NXNL2: variants seen among roughly 807,000 people sequenced by gnomAD.
NXNL2 encodes the protein nucleoredoxin-like protein 2.
A neutral mutation model predicts 11.1 loss-of-function variants in NXNL2; 7 were observed. The ratio of observed to expected loss-of-function variants is 0.63; its 90% CI spans 0.36 to 1.18. The LOEUF is 1.18. Ranked by LOEUF, NXNL2 falls within the 50% of genes most tolerant of loss-of-function variation. NXNL2 has a pLI of 0.02. For missense variants in NXNL2, 233 were observed against 217.7 expected (o/e 1.07, Z -0.44); for synonymous variants, 109 against 101.8 (o/e 1.07, Z -0.42).
chr9:88,535,840 C>T, intron 1 of NXNL2, 104 bp downstream of exon 1: 1 of 856,640 alleles, frequency 1.2e-6, no homozygotes, highest in Admixed American at 3.0e-5. Flanking sequence ...CGCCCCCCCC[C>T]AACACCTCCC....
chr9:88,544,317 G>A, intron 1 of NXNL2, 62 bp from the exon 2 acceptor site: 2 of 1,433,752 alleles, frequency 1.4e-6, no homozygotes, highest in South Asian at 2.5e-5. Context: ...GAGGGAGGGG[G>A]CGTGTCCCTT....
intron 1 of NXNL2, among the ~76,000 whole-genome samples, chr9:88,542,212 G>A (rs1398656313): frequency 2.0e-5 from 3 of 151,792 alleles, no homozygotes; most frequent in East Asian, 2.0e-4. Flanking sequence ...CAGCCTGGGC[G>A]ACAGAGCAAG....
intron 1 of NXNL2, among the ~76,000 whole-genome samples, chr9:88,552,879 T>C (rs1261628006): frequency 1.3e-5 from 2 of 152,184 alleles, no homozygotes; most frequent in South Asian, 4.1e-4. Context: ...ATGAGAACAA[T>C]TGTGCCCAGT....
At chr9:88,557,205 T>A (rs576707834) in intron 1 of NXNL2, among the ~76,000 whole-genome samples, 2 of 152,156 alleles carry the variant, frequency 1.3e-5, no homozygotes, top group African/African-American at 4.8e-5. Context: ...TTCTTTGGAA[T>A]ACATTCTTCC....
intron 2 of NXNL2, among the ~76,000 whole-genome samples, chr9:88,573,525 A>G (rs1376127748): frequency 3.3e-5 from 5 of 152,230 alleles, no homozygotes; most frequent in African/African-American, 7.2e-5. Flanking sequence ...TGGTGCCCCA[A>G]AGAATTCCAT....
At chr9:88,577,022 C>G (rs1352795870), downstream of NXNL2, among the ~76,000 whole-genome samples, 4 of 152,064 alleles carry the variant, frequency 2.6e-5, no homozygotes, top group Non-Finnish European at 5.9e-5. Flanking sequence ...TATGGCTGCC[C>G]TCAAGGTAGA....
chr9:88,538,173 A>T (rs928163011), intron 1 of NXNL2, among the ~76,000 whole-genome samples: 1 of 152,162 alleles, frequency 6.6e-6, no homozygotes, highest in African/African-American at 2.4e-5. Flanking sequence ...GTGCAGCTCC[A>T]AGGTTACATT....
chr9:88,565,740 T>C (rs751288865), intron 1 of NXNL2, among the ~76,000 whole-genome samples: 32 of 152,148 alleles, frequency 2.1e-4, no homozygotes, highest in Non-Finnish European at 2.9e-4. Flanking sequence ...TTTCACCACA[T>C]TGGCCAGGCT....
At chr9:88,578,854 C>T (rs989873793), downstream of NXNL2, among the ~76,000 whole-genome samples, 1 of 152,224 alleles carries the variant, frequency 6.6e-6, no homozygotes, top group African/African-American at 2.4e-5. Context: ...AAGGGCTGGC[C>T]ACGTTCAAGG....
At chr9:88,582,245 G>A (rs1476253442) in intron 1 of NXNL2, among the ~76,000 whole-genome samples, 1 of 152,176 alleles carries the variant, frequency 6.6e-6, no homozygotes, top group Admixed American at 6.5e-5. Context: ...TTGTGAGGCC[G>A]AGGTGGGCGG....
At chr9:88,566,966 T>TATCTATC (rs1350002291) in intron 1 of NXNL2, among the ~76,000 whole-genome samples, 1 of 129,282 alleles carries the variant, frequency 7.7e-6, no homozygotes, top group Non-Finnish European at 1.6e-5. Context: ...ATCTTTCTAT[T>TATCTATC]ATCTATCATC....
chr9:88,543,540 A>G (rs1440026935), intron 1 of NXNL2, among the ~76,000 whole-genome samples: 1 of 152,154 alleles, frequency 6.6e-6, no homozygotes, highest in Non-Finnish European at 1.5e-5. Flanking sequence ...TGCTGGGATT[A>G]CAGGTGTCAG....
At chr9:88,544,050 A>G (rs939632314) in intron 1 of NXNL2, among the ~76,000 whole-genome samples, 6 of 152,236 alleles carry the variant, frequency 3.9e-5, no homozygotes, top group Admixed American at 3.9e-4. Flanking sequence ...ACATACCTGT[A>G]ATCCCAGCTA....
chr9:88,578,248 C>A (rs565913181), downstream of NXNL2, among the ~76,000 whole-genome samples: 1 of 152,288 alleles, frequency 6.6e-6, no homozygotes, highest in Admixed American at 6.5e-5. Flanking sequence ...TTCCCGGACC[C>A]CAGGTGGGCT....
chr9:88,546,367 G>T (rs1253418709), downstream of NXNL2, among the ~76,000 whole-genome samples: 3 of 151,880 alleles, frequency 2.0e-5, no homozygotes, highest in African/African-American at 7.3e-5. Flanking sequence ...CTAGGGCTGG[G>T]AGAGTGATGT....
chr9:88,582,729 C>T (rs1830422977), intron 1 of NXNL2, among the ~76,000 whole-genome samples: 1 of 150,412 alleles, frequency 6.6e-6, no homozygotes, highest in Non-Finnish European at 1.5e-5. Flanking sequence ...AGCACAGTGG[C>T]ACGATCTTGG....
At chr9:88,569,268 T>G (rs780532673) in intron 1 of NXNL2, among the ~76,000 whole-genome samples, 4 of 152,246 alleles carry the variant, frequency 2.6e-5, no homozygotes, top group Non-Finnish European at 5.9e-5. Context: ...CATACAAGTC[T>G]GCATGGCTTG....
At chr9:88,575,729 T>C (rs923328780) in exon 3 of NXNL2, 2 of 152,244 alleles carry the variant, frequency 1.3e-5, no homozygotes, top group Non-Finnish European at 2.9e-5. Context: ...CATTTAATTG[T>C]ACATTTAAAA....
intron 1 of NXNL2, among the ~76,000 whole-genome samples, chr9:88,553,265 G>GA (rs1374153321): frequency 2.0e-5 from 3 of 152,176 alleles, no homozygotes; most frequent in Non-Finnish European, 4.4e-5. Flanking sequence ...AGAATTGATT[G>GA]AACCCGGGAA....
Sources: allele counts gnomAD v4.1 joint callset (sites outside exome capture counted in the v4.1 genomes callset), GRCh38; gene constraint gnomAD v4.1.1; transcripts MANE v1.5; gene names NCBI Gene and HGNC (gene_info 2026-07-23, HGNC 2026-07-21).